GALNT10: variants seen among roughly 807,000 people sequenced by gnomAD.
GALNT10 encodes the protein GalNAc transferase 10.
In GALNT10, 41 loss-of-function variants were observed where a neutral mutation model predicts 75.0. The ratio of observed to expected loss-of-function variants is 0.55; its 90% CI spans 0.43 to 0.71. The LOEUF (loss-of-function observed/expected upper bound fraction) is 0.71, where lower values mean the gene tolerates loss of function less well. GALNT10 is among the 30% of genes least tolerant of loss of function. The pLI, the probability that GALNT10 is intolerant of heterozygous loss-of-function variation, is 0.00. For synonymous variants in GALNT10, 302 were observed against 313.0 expected, an observed-to-expected ratio of 0.96 and a Z score of 0.37; for missense variants, 727 against 818.5, an observed-to-expected ratio of 0.89 and a Z score of 1.36.
rs542885227 is a variant in GALNT10, at chr5:154,330,521, T to C, written c.568+783T>C. On this transcript the variant is annotated intron_variant, in intron 4 of 11. Coordinates refer to ENST00000297107, the MANE Select transcript of GALNT10 (RefSeq NM_198321.4). ...ATGTAGTCATGTGGTGACCGAACCA[T>C]GTCTGGCCCCAAGCATGTGATCTTA... Among the ~76,000 whole-genome samples, 4 of 152,318 alleles carry C rather than the reference T, an allele frequency of 2.6e-5. No homozygotes were observed. The South Asian group carries it at 8.3e-4, about 32-fold the overall frequency.
At chr5:154,294,263 G>T (rs1055243103) in intron 1 of GALNT10, among the ~76,000 whole-genome samples, 2 of 152,156 alleles carry the variant, frequency 1.3e-5, no homozygotes, top group African/African-American at 4.8e-5. Context: ...GAGCCCTGGA[G>T]TTCGAGGCTG....
At position 154,244,065 on chromosome 5, in the gene GALNT10, G is replaced by A. The variant is rs192845298; in HGVS notation, c.160-50751G>A. Among the ~76,000 whole-genome samples, 365 of 152,266 alleles carry A rather than the reference G, an allele frequency of 2.4e-3. 2 individuals carry two copies. In the South Asian group the frequency reaches 0.03, roughly 12 times the overall value. ...GAACCAGAACCAGAGCCCAGGGCTC[G>A]GACCATGACAGCAAGCACTTAGTTT... On this transcript the variant is annotated intron_variant, in intron 1 of 11. Coordinates refer to ENST00000297107, the MANE Select transcript of GALNT10 (RefSeq NM_198321.4).
At chr5:154,281,091 T>G (rs1297407733) in intron 1 of GALNT10, among the ~76,000 whole-genome samples, 14 of 152,348 alleles carry the variant, frequency 9.2e-5, no homozygotes, top group African/African-American at 3.4e-4. Flanking sequence ...TTGGCATTTT[T>G]CCAGGTCTGT....
At chr5:154,382,734 C>T (rs1261279107) in intron 6 of GALNT10, among the ~76,000 whole-genome samples, 1 of 152,180 alleles carries the variant, frequency 6.6e-6, no homozygotes, top group African/African-American at 2.4e-5. Flanking sequence ...GTAATTAGAA[C>T]CTCCTTTATT....
intron 1 of GALNT10, among the ~76,000 whole-genome samples, chr5:154,281,627 T>G (rs1754039565): frequency 6.6e-6 from 1 of 152,222 alleles, no homozygotes; most frequent in African/African-American, 2.4e-5. Flanking sequence ...TTCAAGGACC[T>G]CTCCACACCC....
At position 154,414,234 on chromosome 5, in the gene GALNT10, T is replaced by C. The variant is rs373976391; in HGVS notation, c.1503+1229T>C. Reference sequence around the variant, plus strand: ...GGCAGTTTCTTAGAAAGTTGACCATTGAACCAGTCATCCCACTCCTAGGTA... The same window carrying C: ...GGCAGTTTCTTAGAAAGTTGACCATCGAACCAGTCATCCCACTCCTAGGTA... On this transcript the variant is annotated intron_variant, in intron 10 of 11. Coordinates refer to ENST00000297107, the MANE Select transcript of GALNT10 (RefSeq NM_198321.4). 4.7e-4 allele frequency among the ~76,000 whole-genome samples: 71 copies of C among 152,306 alleles called. 1 individual carries two copies. The highest frequency in any genetic ancestry group is 1.7e-3 in the African/African-American group (69 of 41,568).
At chr5:154,381,677 A>G (rs1248857724) in intron 6 of GALNT10, among the ~76,000 whole-genome samples, 2 of 152,196 alleles carry the variant, frequency 1.3e-5, no homozygotes, top group African/African-American at 4.8e-5. Flanking sequence ...CTTGGGAAGA[A>G]TCCATTTCCC....
chr5:154,221,322 AG>A (rs1752974949), intron 1 of GALNT10, among the ~76,000 whole-genome samples: 1 of 152,186 alleles, frequency 6.6e-6, no homozygotes, highest in African/African-American at 2.4e-5. Flanking sequence ...AGCACTGGGA[AG>A]GCCCCATCCT....
chr5:154,333,554 T>G (rs1483049002), intron 4 of GALNT10, among the ~76,000 whole-genome samples: 1 of 152,114 alleles, frequency 6.6e-6, no homozygotes, highest in Non-Finnish European at 1.5e-5. Context: ...GATAACAGAA[T>G]AACCCCCTCC....
intron 1 of GALNT10, among the ~76,000 whole-genome samples, chr5:154,274,670 TACTCAACC>T (rs1753923227): frequency 6.6e-6 from 1 of 152,188 alleles, no homozygotes. Context: ...AAATTACAGG[TACTCAACC>T]AGCTCAGGAA....
At chr5:154,309,297 A>G (rs1367640998) in intron 3 of GALNT10, among the ~76,000 whole-genome samples, 2 of 152,090 alleles carry the variant, frequency 1.3e-5, no homozygotes, top group East Asian at 3.9e-4. Flanking sequence ...AATGATGAGA[A>G]GTTAGGCTGG....
At chr5:154,326,805 TGTGGAATTAGACA>T (rs1297170024) in intron 3 of GALNT10, among the ~76,000 whole-genome samples, 1 of 152,200 alleles carries the variant, frequency 6.6e-6, no homozygotes, top group African/African-American at 2.4e-5. Context: ...ATGAAAATGT[TGTGGAATTAGACA>T]GTGGTTATAT....
intron 1 of GALNT10, among the ~76,000 whole-genome samples, chr5:154,196,700 C>T (rs146765641): frequency 3.2e-3 from 489 of 152,228 alleles, no homozygotes; most frequent in Admixed American, 6.1e-3. Context: ...TTTCTATAAG[C>T]TCTAGCAAGA....
chr5:154,332,306 G>T (rs1754879628), intron 4 of GALNT10, among the ~76,000 whole-genome samples: 1 of 152,210 alleles, frequency 6.6e-6, no homozygotes, highest in South Asian at 2.1e-4. Flanking sequence ...CCTTCTCAGG[G>T]CCACAGCAGT....
In GALNT10 at chr5:154,254,510, C is replaced by CT. The variant is rs1162459433; in HGVS notation, c.160-40292dup. Reference sequence around the variant, plus strand: ...GGTGTTTCTTTTCTTTATTTCTTTTCTTTTTTTTTTTTTTCTGTCTCCAGG... The same window carrying CT: ...GGTGTTTCTTTTCTTTATTTCTTTTCTTTTTTTTTTTTTTTCTGTCTCCAGG... On this transcript the variant is annotated intron_variant, in intron 1 of 11. Transcript: ENST00000297107. Among the ~76,000 whole-genome samples, 1,007 of 138,278 alleles carry CT rather than the reference C, an allele frequency of 7.3e-3. 5 individuals are homozygous for CT. The highest frequency in any genetic ancestry group is 0.02 in the East Asian group (97 of 4,758). 90.7% of individuals were successfully genotyped at this position (138,278 alleles called of 152,430 possible). A position where few individuals can be genotyped will look rare whatever the true frequency, so the allele number is the denominator to read the frequency against.
chr5:154,190,944 G>T lies in GALNT10; in HGVS notation c.78G>T (p.Gly26=), dbSNP rs1380458513. 2 of 1,511,072 alleles carry T rather than the reference G, an allele frequency of 1.3e-6. No homozygotes were observed. The highest frequency in any genetic ancestry group is 2.5e-5 in the South Asian group (2 of 81,584). 93.6% of individuals were successfully genotyped at this position (1,511,072 alleles called of 1,614,324 possible). ...CCCTGGTCCTCCTGCCCAACGTGGG[G>T]CTTTGGGCGCTGTACCGCGAGCGGC... ...LAALVLLPNV[G]LWALYRERQP... Residue 26 remains glycine, a synonymous_variant, in exon 1 of 12, where the codon GGG becomes GGT. Transcript: ENST00000297107.
intron 1 of GALNT10, among the ~76,000 whole-genome samples, chr5:154,224,778 CTTTT>C (rs549615789): frequency 8.5e-6 from 1 of 117,584 alleles, no homozygotes; most frequent in African/African-American, 3.1e-5. Flanking sequence ...AAGCTCACTT[CTTTT>C]TTTTTTTTTT....
intron 1 of GALNT10, among the ~76,000 whole-genome samples, chr5:154,285,966 T>C (rs72808637): frequency 0.073 from 11,159 of 152,230 alleles, 424 homozygotes; most frequent in Middle Eastern, 0.14. Context: ...CTTTTCCCTC[T>C]GTCTGGAATG....
At chr5:154,296,891 G>A (rs536154562) in intron 2 of GALNT10, among the ~76,000 whole-genome samples, 18 of 152,294 alleles carry the variant, frequency 1.2e-4, no homozygotes, top group African/African-American at 3.9e-4. Flanking sequence ...AGATGACAGA[G>A]ACCTGTTTCT....
Sources: allele counts gnomAD v4.1 joint callset (sites outside exome capture counted in the v4.1 genomes callset), GRCh38; gene constraint gnomAD v4.1.1; transcripts MANE v1.5; gene names NCBI Gene and HGNC (gene_info 2026-07-23, HGNC 2026-07-21).